KLF8: variants seen among roughly 807,000 people sequenced by gnomAD.
The protein encoded by KLF8 is KLF transcription factor 8.
A neutral mutation model predicts 18.2 loss-of-function variants in KLF8; 10 were observed. The observed-to-expected ratio is 0.55, with a 90% CI of 0.34 to 0.93. KLF8 has a LOEUF of 0.93. Among genes scored for constraint, KLF8 ranks in the 40% least tolerant of loss-of-function variants. KLF8 has a pLI of 0.02. For missense variants in KLF8, 264 were observed against 277.9 expected, an observed-to-expected ratio of 0.95 and a Z score of 0.36; for synonymous variants, 109 against 97.3, an observed-to-expected ratio of 1.12 and a Z score of -0.71.
intron 2 of KLF8, among the ~76,000 whole-genome samples, chrX:56,258,072 C>T (rs1273822799): frequency 8.9e-6 from 1 of 112,115 alleles, no homozygotes; most frequent in Non-Finnish European, 1.9e-5. Context: ...TCCCATTTAC[C>T]TTAATCGTAG....
At chrX:56,018,947 C>A in the KLF8 span, among the ~76,000 whole-genome samples, 1 of 111,184 alleles carries the variant, frequency 9.0e-6, no homozygotes, top group Non-Finnish European at 1.9e-5. Context: ...CTAGGACATT[C>A]TTTTCAACAT....
the KLF8 span, among the ~76,000 whole-genome samples, chrX:56,096,292 A>C: frequency 6.3e-5 from 7 of 111,103 alleles, no homozygotes; most frequent in Non-Finnish European, 1.1e-4. Context: ...GAAACTACAA[A>C]ATATGCGAGG....
At chrX:56,165,850 C>T in the KLF8 span, among the ~76,000 whole-genome samples, 1 of 105,363 alleles carries the variant, frequency 9.5e-6, no homozygotes, top group South Asian at 4.2e-4. Flanking sequence ...GACAGAGAGA[C>T]CCTGTCTCAA....
chrX:56,102,134 GA>G, the KLF8 span, among the ~76,000 whole-genome samples: 2 of 111,485 alleles, frequency 1.8e-5, no homozygotes, highest in African/African-American at 6.5e-5. Context: ...TGTTTATGGT[GA>G]AAGCTATGTG....
chrX:56,077,852 C>G, the KLF8 span, among the ~76,000 whole-genome samples: 1 of 110,674 alleles, frequency 9.0e-6, no homozygotes, highest in East Asian at 2.8e-4. Flanking sequence ...TGTAGAGGTC[C>G]TTCACGTCCC....
chrX:56,178,954 C>T, the KLF8 span, among the ~76,000 whole-genome samples: 5 of 112,127 alleles, frequency 4.5e-5, no homozygotes, highest in African/African-American at 1.6e-4. Context: ...TGAAGATTGC[C>T]TTGGCAATGT....
At chrX:55,931,276 T>C in the KLF8 span, among the ~76,000 whole-genome samples, 2 of 112,372 alleles carry the variant, frequency 1.8e-5, no homozygotes, top group Non-Finnish European at 3.8e-5. Flanking sequence ...TTGATTCTTC[T>C]ACCTAGTGGT....
the KLF8 span, among the ~76,000 whole-genome samples, chrX:56,051,594 G>A: frequency 3.6e-5 from 4 of 110,815 alleles, no homozygotes; most frequent in Non-Finnish European, 7.5e-5. Flanking sequence ...TTGAATATTG[G>A]CCCCCATTCT....
chrX:56,054,625 A>T, the KLF8 span, among the ~76,000 whole-genome samples: 1 of 111,537 alleles, frequency 9.0e-6, no homozygotes, highest in Non-Finnish European at 1.9e-5. Flanking sequence ...TGCTGAGTTT[A>T]GGTCCTGAAT....
At chrX:56,051,123 A>T in the KLF8 span, among the ~76,000 whole-genome samples, 1 of 110,991 alleles carries the variant, frequency 9.0e-6, no homozygotes, top group Non-Finnish European at 1.9e-5. Context: ...TTGTCTTGGT[A>T]GATCTTCCTC....
At chrX:56,221,966 C>T in the KLF8 span, among the ~76,000 whole-genome samples, 10 of 111,287 alleles carry the variant, frequency 9.0e-5, no homozygotes, top group South Asian at 3.8e-4. Context: ...CCGATTGGTC[C>T]GTTTTGACAG....
chrX:56,178,949 A>T, the KLF8 span, among the ~76,000 whole-genome samples: 1 of 111,934 alleles, frequency 8.9e-6, no homozygotes, highest in Non-Finnish European at 1.9e-5. Flanking sequence ...TTGGTTGAAG[A>T]TTGCCTTGGC....
At chrX:56,280,618 T>C (rs1053100164) in intron 5 of KLF8, among the ~76,000 whole-genome samples, 2 of 112,278 alleles carry the variant, frequency 1.8e-5, no homozygotes, top group Non-Finnish European at 3.8e-5. Context: ...TGGCTAAGAC[T>C]ATGTATTGTG....
the KLF8 span, among the ~76,000 whole-genome samples, chrX:56,056,160 T>C: frequency 1.8e-5 from 2 of 111,847 alleles, no homozygotes; most frequent in Middle Eastern, 4.6e-3. Flanking sequence ...TTGTCAGGGT[T>C]CTTGTGTTGG....
At chrX:56,050,465 G>A in the KLF8 span, among the ~76,000 whole-genome samples, 29 of 111,954 alleles carry the variant, frequency 2.6e-4, no homozygotes, top group African/African-American at 9.1e-4. Flanking sequence ...CTGGTATGTT[G>A]TGTCTTTGTT....
the KLF8 span, among the ~76,000 whole-genome samples, chrX:56,150,854 A>T: frequency 9.0e-6 from 1 of 111,547 alleles, no homozygotes. Context: ...TTTGCTGATA[A>T]TTATTATTAA....
At chrX:55,923,104 A>G in the KLF8 span, among the ~76,000 whole-genome samples, 1 of 111,696 alleles carries the variant, frequency 9.0e-6, no homozygotes, top group Admixed American at 9.5e-5. Context: ...AGACTGGATA[A>G]AGAAAATGTG....
chrX:56,055,806 A>G, the KLF8 span, among the ~76,000 whole-genome samples: 1 of 111,015 alleles, frequency 9.0e-6, no homozygotes, highest in Non-Finnish European at 1.9e-5. Context: ...CTTGTTTCAG[A>G]AAGCCTGTCT....
intron 1 of KLF8, among the ~76,000 whole-genome samples, chrX:56,249,212 A>G (rs1179870529): frequency 8.9e-6 from 1 of 112,741 alleles, no homozygotes; most frequent in Non-Finnish European, 1.9e-5. Flanking sequence ...CCCAGAAGAA[A>G]TAATAGATTC....
Sources: gnomAD v4.1 joint callset for allele counts (sites outside exome capture counted in the v4.1 genomes callset) on GRCh38, gnomAD v4.1.1 for gene constraint, MANE v1.5 for transcripts, NCBI Gene and HGNC (gene_info 2026-07-23, HGNC 2026-07-21) for gene names.